Variants in DPYSL3 observed in about 807,000 individuals in gnomAD.
The protein encoded by DPYSL3 is dihydropyrimidinase-related protein 3.
In DPYSL3, 16 loss-of-function variants were observed where a neutral mutation model predicts 66.1. The observed-to-expected ratio is 0.24, with a 90% confidence interval of 0.16 to 0.37. The LOEUF (loss-of-function observed/expected upper bound fraction) is 0.37. DPYSL3 is among the 10% of genes least tolerant of loss of function. The probability of loss-of-function intolerance (pLI) is 1.00; values close to 1 mark genes in which losing one functional copy is unlikely to be tolerated. For synonymous variants in DPYSL3, 338 were observed against 345.1 expected, an observed-to-expected ratio of 0.98 and a Z score of 0.23; for missense variants, 738 against 916.2, an observed-to-expected ratio of 0.81 and a Z score of 2.51.
chr5:147,452,887 A>G (rs966720224), intron 1 of DPYSL3, among the ~76,000 whole-genome samples: 7 of 63,296 alleles, frequency 1.1e-4, no homozygotes, highest in East Asian at 5.9e-4. Flanking sequence ...GAAGGCACAC[A>G]CACACACACA....
intron 2 of DPYSL3, among the ~76,000 whole-genome samples, chr5:147,423,014 A>T (rs1046036249): frequency 6.6e-6 from 1 of 152,128 alleles, no homozygotes; most frequent in East Asian, 1.9e-4. Context: ...TAATAATAAT[A>T]AAAAAGTTCT....
Position 147,397,673 on chromosome 5 carries a change from C to T in DPYSL3, c.1796G>A (p.Arg599Gln), listed in dbSNP as rs775844954. ...SDYVYKRIKA[R>Q]RKMADLHAVP... ...AGCTCCAATGCTTTTTACCTTCCTC[C>T]GTGCTTTAATGCGCTTGTAGACATA... Residue 599 changes from arginine to glutamine, a missense_variant, in exon 12 of 14, where the codon CGG (arginine) becomes CAG (glutamine). By Grantham distance (43) the Arg-to-Gln change is conservative. Transcript: ENST00000343218. 2.5e-6 allele frequency: 4 copies of T among 1,613,314 alleles called. No homozygotes were observed. Among genetic ancestry groups the T allele is most frequent in the East Asian group, 2.2e-5 (1 of 44,856 alleles).
intron 1 of DPYSL3, among the ~76,000 whole-genome samples, chr5:147,461,353 T>C (rs779253322): frequency 3.9e-5 from 6 of 152,126 alleles, no homozygotes; most frequent in Non-Finnish European, 7.4e-5. Context: ...GTCCAACCAA[T>C]CTTTTGTGCC....
intron 3 of DPYSL3, 92 bp from the exon 4 acceptor site, chr5:147,415,965 C>A: frequency 7.2e-7 from 1 of 1,381,752 alleles, no homozygotes; most frequent in South Asian, 1.4e-5. Flanking sequence ...GCTGTGACTG[C>A]AGAATCTCTA....
intron 1 of DPYSL3, among the ~76,000 whole-genome samples, chr5:147,452,778 T>C (rs17106761): frequency 0.046 from 6,933 of 151,958 alleles, 541 homozygotes; most frequent in African/African-American, 0.16. Context: ...ACTGCATGCA[T>C]ACAGCGTGCG....
chr5:147,488,698 A>T (rs1753371961), intron 1 of DPYSL3, among the ~76,000 whole-genome samples: 1 of 152,102 alleles, frequency 6.6e-6, no homozygotes, highest in South Asian at 2.1e-4. Flanking sequence ...CCTGGGTGAC[A>T]GAGTGAGGCC....
chr5:147,414,982 C>T (rs1285642517), intron 4 of DPYSL3, among the ~76,000 whole-genome samples: 4 of 152,082 alleles, frequency 2.6e-5, no homozygotes, highest in East Asian at 1.9e-4. Flanking sequence ...ACCCCCAGGC[C>T]GCCTTACAAT....
intron 7 of DPYSL3, among the ~76,000 whole-genome samples, chr5:147,406,978 A>G (rs182504039): frequency 6.6e-6 from 1 of 152,270 alleles, no homozygotes; most frequent in Non-Finnish European, 1.5e-5. Context: ...GCCCCTGGTC[A>G]TATGTGAATA....
Position 147,399,244 on chromosome 5 carries a change from C to A in DPYSL3, c.1461G>T (p.Gly487=). The A allele has an allele frequency of 6.2e-7, 1 of 1,613,992 alleles. No individual in the cohort carries two copies. The highest frequency in any genetic ancestry group is 8.5e-7 in the Non-Finnish European group (1 of 1,179,984). The change falls in exon 11 of 14, where the codon GGG becomes GGT. Residue 487 remains glycine (G), a synonymous_variant. Coordinates refer to ENST00000343218, the MANE Select transcript of DPYSL3 (RefSeq NM_001197294.2). ...SVIWDKAVAT[G]KMDENQFVAV... is the part of the protein sequence containing the mutation. Reference sequence around the variant, plus strand: ...CCACGAACTGGTTTTCGTCCATTTTCCCTGTGGCCTATTGAAATATAAGAA... The same window carrying A: ...CCACGAACTGGTTTTCGTCCATTTTACCTGTGGCCTATTGAAATATAAGAA...
chr5:147,449,472 G>C (rs546431062), intron 1 of DPYSL3, among the ~76,000 whole-genome samples: 1 of 152,202 alleles, frequency 6.6e-6, no homozygotes, highest in Non-Finnish European at 1.5e-5. Flanking sequence ...TCCAATCAGT[G>C]GTTGGAAAAG....
chr5:147,443,512 G>A (rs369966552), intron 1 of DPYSL3, among the ~76,000 whole-genome samples: 1 of 151,892 alleles, frequency 6.6e-6, no homozygotes, highest in African/African-American at 2.4e-5. Flanking sequence ...GGAACTCAGA[G>A]GATGGGTCAA....
chr5:147,417,812 T>C (rs1471103006), intron 3 of DPYSL3, among the ~76,000 whole-genome samples: 1 of 152,176 alleles, frequency 6.6e-6, no homozygotes, highest in African/African-American at 2.4e-5. Context: ...GTTAAAGATA[T>C]GAATTGGTCA....
At chr5:147,470,064 T>C (rs1753063427) in intron 1 of DPYSL3, among the ~76,000 whole-genome samples, 1 of 152,194 alleles carries the variant, frequency 6.6e-6, no homozygotes, top group African/African-American at 2.4e-5. Context: ...ATGATACTGA[T>C]GAGGAGTTGT....
chr5:147,502,206 T>C (rs932363165), intron 1 of DPYSL3, among the ~76,000 whole-genome samples: 1 of 152,066 alleles, frequency 6.6e-6, no homozygotes, highest in Non-Finnish European at 1.5e-5. Flanking sequence ...ACCCCATTCA[T>C]GAGGGCACCA....
At chr5:147,502,036 A>G (rs1395840968) in intron 1 of DPYSL3, among the ~76,000 whole-genome samples, 1 of 152,104 alleles carries the variant, frequency 6.6e-6, no homozygotes, top group Non-Finnish European at 1.5e-5. Flanking sequence ...TAAATAATAA[A>G]TGTATTTCTT....
rs1757892795 is a variant in DPYSL3 at position 147,393,996 on chromosome 5, CTCT to C, written c.*36_*38del. 29 of 1,602,574 alleles carry C rather than the reference CTCT, an allele frequency of 1.8e-5. No homozygotes were observed. The highest frequency in any genetic ancestry group is 2.5e-5 in the Non-Finnish European group (29 of 1,171,290). ...TGTACCATTTTGGCTTCAAAACAAT[CTCT>C]TCTTGCTTCTGCCCCTCTCTTTGAG... On this transcript the variant is annotated 3_prime_UTR_variant, in exon 14 of 14. Coordinates refer to ENST00000343218, the MANE Select transcript of DPYSL3 (RefSeq NM_001197294.2).
At chr5:147,436,754 T>C (rs1440790340) in intron 1 of DPYSL3, among the ~76,000 whole-genome samples, 1 of 152,096 alleles carries the variant, frequency 6.6e-6, no homozygotes, top group Non-Finnish European at 1.5e-5. Flanking sequence ...AAAGTGTCAA[T>C]CAACTAAGTA....
At chr5:147,478,881 C>T (rs1326547020) in intron 1 of DPYSL3, among the ~76,000 whole-genome samples, 2 of 152,160 alleles carry the variant, frequency 1.3e-5, no homozygotes, top group African/African-American at 4.8e-5. Context: ...AGCCTCGGGA[C>T]ACTGTCTCCC....
chr5:147,473,643 A>T (rs774861598), intron 1 of DPYSL3, among the ~76,000 whole-genome samples: 6 of 152,150 alleles, frequency 3.9e-5, no homozygotes, highest in Non-Finnish European at 8.8e-5. Context: ...AGCTCAGCAC[A>T]GGATGCCTCA....
Sources: allele counts gnomAD v4.1 joint callset (sites outside exome capture counted in the v4.1 genomes callset), GRCh38; gene constraint gnomAD v4.1.1; transcripts MANE v1.5; gene names NCBI Gene and HGNC (gene_info 2026-07-23, HGNC 2026-07-21).